Variants in PRDM5 observed in about 807,000 individuals in gnomAD.
PRDM5 encodes the protein PR/SET domain 5.
Under a neutral mutation model 81.2 loss-of-function variants are expected in PRDM5, and 56 were observed. That is an observed-to-expected ratio of 0.69 (90% CI 0.56 to 0.86). The LOEUF (loss-of-function observed/expected upper bound fraction) is 0.86, where lower values mean the gene tolerates loss of function less well. Ranked by LOEUF, PRDM5 falls within the 40% of genes least tolerant of loss-of-function variation. The probability of loss-of-function intolerance (pLI) is 0.00; values close to 1 mark genes in which losing one functional copy is unlikely to be tolerated. For synonymous variants in PRDM5, 267 were observed against 256.4 expected (o/e 1.04, Z -0.39); for missense variants, 697 against 770.1 (o/e 0.91, Z 1.12).
At chr4:120,901,816 G>C (rs931972474) in intron 2 of PRDM5, among the ~76,000 whole-genome samples, 14 of 152,212 alleles carry the variant, frequency 9.2e-5, no homozygotes, top group African/African-American at 3.1e-4. Flanking sequence ...CTTTCCAGAG[G>C]GACCACCCAG....
chr4:120,755,160 T>C (rs191397150), intron 13 of PRDM5, among the ~76,000 whole-genome samples: 235 of 152,340 alleles, frequency 1.5e-3, no homozygotes, highest in African/African-American at 5.4e-3. Context: ...TTAAACTAAA[T>C]AATAATTAAT....
intron 15 of PRDM5, among the ~76,000 whole-genome samples, chr4:120,706,289 A>T (rs1358450804): frequency 6.6e-6 from 1 of 152,118 alleles, no homozygotes; most frequent in East Asian, 1.9e-4. Context: ...GTTTTAGTGG[A>T]GATCAGAGAG....
chr4:120,748,122 G>A (rs1264382814), intron 14 of PRDM5, among the ~76,000 whole-genome samples: 1 of 152,170 alleles, frequency 6.6e-6, no homozygotes, highest in Non-Finnish European at 1.5e-5. Context: ...ATGATCCATA[G>A]TTCCTAAGAC....
intron 14 of PRDM5, among the ~76,000 whole-genome samples, chr4:120,710,920 A>G (rs1452181398): frequency 6.6e-6 from 1 of 152,074 alleles, no homozygotes. Flanking sequence ...GCTATGAGCA[A>G]TTTTATATTT....
chr4:120,835,765 G>T (rs768441294), intron 3 of PRDM5, among the ~76,000 whole-genome samples: 2 of 151,924 alleles, frequency 1.3e-5, no homozygotes, highest in Non-Finnish European at 2.9e-5. Flanking sequence ...AATACAAAAG[G>T]AAAGGAACTC....
At chr4:120,818,616 A>G (rs1754856803) in intron 4 of PRDM5, 89 bp from the exon 5 acceptor site, 3 of 1,088,374 alleles carry the variant, frequency 2.8e-6, no homozygotes, top group Non-Finnish European at 4.2e-6. Flanking sequence ...TTAATTAATT[A>G]ATTGTGCTTA....
At chr4:120,806,165 A>T in intron 8 of PRDM5, among the ~76,000 whole-genome samples, 1 of 152,218 alleles carries the variant, frequency 6.6e-6, no homozygotes, top group Non-Finnish European at 1.5e-5. Context: ...CTCTTCAAGG[A>T]GAAGCACAAA....
In PRDM5 at chr4:120,685,570, T is replaced by C. The variant is rs1172208379; in HGVS notation, n.104-545A>G. 2.0e-5 allele frequency among the ~76,000 whole-genome samples: 3 copies of C among 151,994 alleles called. No individual in the cohort carries two copies. In the East Asian group the frequency reaches 5.8e-4, roughly 29 times the overall value. On this transcript the variant is annotated intron_variant and non_coding_transcript_variant, in intron 1 of 1. Transcript: ENST00000513741. The stretch of plus-strand genomic sequence containing the variant: ...TGTAAGCTGGAATGCTGCGGAGTGG[T>C]GGGAGGTTTCTAAGCAGCATATATA...
At position 120,781,542 on chromosome 4, in the gene PRDM5, T is replaced by C. The variant is rs55901892; in HGVS notation, c.1283-239A>G. 0.21 allele frequency among the ~76,000 whole-genome samples: 31,627 copies of C among 152,198 alleles called. 3,771 individuals are homozygous for C. Among genetic ancestry groups the C allele is most frequent in the Non-Finnish European group, 0.28 (18,963 of 67,998 alleles). ...CAACTGGAAAACGTGGGGACTGAATTAGCAGAATTCTCAAAGTTACCATGA... is the reference window on the plus strand; with the variant it reads ...CAACTGGAAAACGTGGGGACTGAATCAGCAGAATTCTCAAAGTTACCATGA... On this transcript the variant is annotated intron_variant, in intron 11 of 15. Coordinates refer to ENST00000264808, the MANE Select transcript of PRDM5 (RefSeq NM_018699.4).
chr4:120,725,333 T>C (rs1354056487), intron 14 of PRDM5, among the ~76,000 whole-genome samples: 2 of 151,786 alleles, frequency 1.3e-5, no homozygotes, highest in Non-Finnish European at 2.9e-5. Context: ...TGGGTGTTTG[T>C]GAAAACTTTT....
chr4:120,689,686 T>G (rs1033249755), downstream of PRDM5, among the ~76,000 whole-genome samples: 1 of 151,780 alleles, frequency 6.6e-6, no homozygotes, highest in African/African-American at 2.4e-5. Flanking sequence ...GGCTCACTGC[T>G]ACTTCCGCCT....
At chr4:120,863,175 A>AAATAT (rs1553997140) in intron 2 of PRDM5, among the ~76,000 whole-genome samples, 24 of 60,666 alleles carry the variant, frequency 4.0e-4, no homozygotes, top group South Asian at 2.9e-3. Flanking sequence ...AAAAAAAAAA[A>AAATAT]ATATATATAT....
At chr4:120,774,618 G>A (rs958106402) in intron 13 of PRDM5, among the ~76,000 whole-genome samples, 1 of 152,084 alleles carries the variant, frequency 6.6e-6, no homozygotes, top group African/African-American at 2.4e-5. Context: ...TTTGTGCCAG[G>A]GCCGTTATGG....
intron 2 of PRDM5, among the ~76,000 whole-genome samples, chr4:120,901,175 A>G (rs1200784015): frequency 6.6e-6 from 1 of 152,132 alleles, no homozygotes; most frequent in Non-Finnish European, 1.5e-5. Context: ...ATGTTAGTGT[A>G]CCTGTCAACC....
chr4:120,835,987 C>A (rs891204290), intron 3 of PRDM5, among the ~76,000 whole-genome samples: 1 of 151,880 alleles, frequency 6.6e-6, no homozygotes, highest in Non-Finnish European at 1.5e-5. Context: ...GAACTAGTGA[C>A]CTGAGAGAGA....
intron 3 of PRDM5, among the ~76,000 whole-genome samples, chr4:120,837,154 TATTATA>T (rs1428083921): frequency 6.6e-6 from 1 of 152,170 alleles, no homozygotes; most frequent in Non-Finnish European, 1.5e-5. Context: ...ACTACCTGAT[TATTATA>T]AGGCTAGTGA....
chr4:120,872,150 CAAAAAA>C (rs70948365), intron 2 of PRDM5, among the ~76,000 whole-genome samples: 1,671 of 41,826 alleles, frequency 0.04, 57 homozygotes, highest in Middle Eastern at 0.15. Flanking sequence ...GACTCCATCT[CAAAAAA>C]AAAAAAAAAA....
intron 2 of PRDM5, among the ~76,000 whole-genome samples, chr4:120,904,201 A>AAAAAAAAAAAAAAAAAAAAAC (rs1561675932): frequency 6.9e-6 from 1 of 144,650 alleles, no homozygotes; most frequent in Non-Finnish European, 1.5e-5. Flanking sequence ...AAAAAAAAAA[A>AAAAAAAAAAAAAAAAAAAAAC]AAAACAAAAA....
At chr4:120,885,814 T>A (rs79516981) in intron 2 of PRDM5, 1 of 150,818 alleles carries the variant, frequency 6.6e-6, no homozygotes, top group Non-Finnish European at 1.5e-5. Context: ...AAAAAAAAAT[T>A]CCTCCAGTTC....
Sources: gnomAD v4.1 joint callset for allele counts (sites outside exome capture counted in the v4.1 genomes callset) on GRCh38, gnomAD v4.1.1 for gene constraint, MANE v1.5 for transcripts, NCBI Gene and HGNC (gene_info 2026-07-23, HGNC 2026-07-21) for gene names.